The following SPATA7 variants were observed in gnomAD, a reference collection of about 807,000 sequenced individuals.
SPATA7 encodes spermatogenesis-associated protein 7.
A neutral mutation model predicts 51.8 loss-of-function variants in SPATA7; 43 were observed. That is an observed-to-expected ratio of 0.83 (90% confidence interval 0.65 to 1.07). The LOEUF is 1.07. Ranked by LOEUF, SPATA7 falls within the 50% of genes least tolerant of loss-of-function variation. The pLI is 0.00. For synonymous variants in SPATA7, 230 were observed against 252.8 expected (o/e 0.91, Z 0.86); for missense variants, 683 against 701.3 (o/e 0.97, Z 0.30).
chr14:88,412,868 T>C (rs2076379707), intron 4 of SPATA7, among the ~76,000 whole-genome samples: 1 of 152,232 alleles, frequency 6.6e-6, no homozygotes, highest in Admixed American at 6.5e-5. Flanking sequence ...GGTCACAAAT[T>C]CTTTGCCAAG....
At chr14:88,440,828 A>G (rs988555037), downstream of SPATA7, among the ~76,000 whole-genome samples, 3 of 150,832 alleles carry the variant, frequency 2.0e-5, no homozygotes, top group Admixed American at 2.0e-4. Context: ...TTTTTTTGCT[A>G]TTTATTTTTT....
intron 4 of SPATA7, among the ~76,000 whole-genome samples, chr14:88,407,115 C>T (rs889581071): frequency 1.3e-5 from 2 of 152,126 alleles, no homozygotes; most frequent in African/African-American, 4.8e-5. Context: ...GAGTTATAAT[C>T]CTTTGGGTAT....
chr14:88,388,906 G>A (rs1274057152), intron 1 of SPATA7, among the ~76,000 whole-genome samples: 5 of 152,158 alleles, frequency 3.3e-5, no homozygotes, highest in African/African-American at 7.2e-5. Context: ...CATCACCGAG[G>A]AGTGATATCG....
At chr14:88,417,497 G>A (rs2076517138) in intron 5 of SPATA7, among the ~76,000 whole-genome samples, 1 of 151,714 alleles carries the variant, frequency 6.6e-6, no homozygotes, top group Non-Finnish European at 1.5e-5. Flanking sequence ...GTAGAGATGG[G>A]GTCTCGCCAT....
At chr14:88,407,246 G>A (rs757797572) in intron 4 of SPATA7, among the ~76,000 whole-genome samples, 18 of 152,142 alleles carry the variant, frequency 1.2e-4, no homozygotes, top group Admixed American at 3.9e-4. Flanking sequence ...GTGTAAAAGC[G>A]TTCATATTTC....
intron 1 of SPATA7, among the ~76,000 whole-genome samples, chr14:88,390,211 A>G (rs1049272502): frequency 3.9e-5 from 6 of 152,160 alleles, no homozygotes; most frequent in Admixed American, 2.0e-4. Context: ...CCTTTTGACT[A>G]CAAATGAAGA....
At chr14:88,421,939 CT>C (rs2076656973) in intron 5 of SPATA7, among the ~76,000 whole-genome samples, 2 of 146,992 alleles carry the variant, frequency 1.4e-5, no homozygotes, top group African/African-American at 5.1e-5. Flanking sequence ...CAGAGCGAGA[CT>C]CCATCTCAAA....
chr14:88,433,043 A>T lies in SPATA7; in HGVS notation c.1083-92A>T, dbSNP rs916299960. On this transcript the variant is annotated intron_variant, in intron 9 of 11. Transcript: ENST00000393545. ...TAGAAGTACATTGGTAATGGTAGAG[A>T]TAGATATTTCTAATTAGGTACTAAT... The T allele has an allele frequency of 6.5e-6, 6 of 921,644 alleles. No individual in the cohort carries two copies. The African/African-American group carries it at 6.5e-5, about 10-fold the overall frequency. 57.1% of individuals were successfully genotyped at this position (921,644 alleles called of 1,614,324 possible).
At chr14:88,420,372 A>G (rs1027946655) in intron 5 of SPATA7, among the ~76,000 whole-genome samples, 3 of 152,200 alleles carry the variant, frequency 2.0e-5, no homozygotes, top group African/African-American at 7.2e-5. Context: ...CAAGTAAGCA[A>G]GTGCTGGGAT....
At chr14:88,437,501 T>C in intron 10 of SPATA7, 42 bp from the exon 11 acceptor site, 1 of 1,418,844 alleles carries the variant, frequency 7.0e-7, no homozygotes, top group South Asian at 1.2e-5. Flanking sequence ...TTAGATGATT[T>C]TCTGATTTTG....
At chr14:88,426,959 A>G (rs979520542) in intron 6 of SPATA7, among the ~76,000 whole-genome samples, 3 of 152,166 alleles carry the variant, frequency 2.0e-5, no homozygotes, top group Non-Finnish European at 4.4e-5. Flanking sequence ...TGGTTCAAGA[A>G]TTGTGTATGT....
chr14:88,412,292 A>AAT (rs536294985), intron 4 of SPATA7, among the ~76,000 whole-genome samples: 5 of 151,482 alleles, frequency 3.3e-5, no homozygotes, highest in South Asian at 2.1e-4. Flanking sequence ...GAACTAATGA[A>AAT]ATATATATAT....
chr14:88,468,781 G>A (rs2077405395), intron 4 of SPATA7: 7 of 1,041,774 alleles, frequency 6.7e-6, no homozygotes, highest in Non-Finnish European at 7.1e-6. Context: ...GCCTTTTGCA[G>A]GGAACATTAG....
intron 9 of SPATA7, chr14:88,432,633 A>G (rs2076972044): frequency 6.6e-6 from 1 of 152,278 alleles, no homozygotes; most frequent in Non-Finnish European, 1.5e-5. Context: ...AAATTTCTCA[A>G]CCTTAAAACA....
chr14:88,394,314 G>A (rs935249349), intron 3 of SPATA7, among the ~76,000 whole-genome samples: 1 of 151,998 alleles, frequency 6.6e-6, no homozygotes, highest in African/African-American at 2.4e-5. Context: ...CTAGTCCTTT[G>A]CCGTCAGTCC....
At chr14:88,393,709 G>A (rs73319901) in intron 3 of SPATA7, 6,386 of 378,026 alleles carry the variant, frequency 0.017, 372 homozygotes, top group African/African-American at 0.12. Context: ...ATTTTATTTC[G>A]TTTTTTATCT....
At chr14:88,447,754 G>C (rs2077224466) in intron 3 of SPATA7, among the ~76,000 whole-genome samples, 1 of 151,994 alleles carries the variant, frequency 6.6e-6, no homozygotes, top group Non-Finnish European at 1.5e-5. Flanking sequence ...AGCTTAGTTT[G>C]GCTGGATATG....
chr14:88,434,158 A>G (rs1265772848), intron 10 of SPATA7, among the ~76,000 whole-genome samples: 6 of 152,182 alleles, frequency 3.9e-5, no homozygotes, highest in Non-Finnish European at 5.9e-5. Context: ...ATACAAAATC[A>G]TATGTATTTA....
rs1436158609 is a variant in SPATA7, at chr14:88,416,083, A to T, written c.239-628A>T. On this transcript the variant is annotated intron_variant, in intron 4 of 11. Transcript: ENST00000393545. ...CTTCCTGTGGTCTCCCCTGAAGCAG[A>T]TGCTGGCATTGTGCTTCCTGTACAG... is the stretch of plus-strand genomic sequence containing the variant. 2.0e-5 allele frequency: 3 copies of T among 152,512 alleles called. No homozygotes were observed. In the South Asian group the frequency reaches 6.2e-4, roughly 32 times the overall value. The allele number at this position is 152,512 out of a possible 1,614,324, so 9.4% of individuals were successfully genotyped here.
Sources: allele counts gnomAD v4.1 joint callset (sites outside exome capture counted in the v4.1 genomes callset), GRCh38; gene constraint gnomAD v4.1.1; transcripts MANE v1.5; gene names NCBI Gene and HGNC (gene_info 2026-07-23, HGNC 2026-07-21).